The following GARIN6 variants were observed in gnomAD, a reference collection of about 807,000 sequenced individuals.
GARIN6 encodes golgi associated RAB2 interactor family member 6.
the GARIN6 span, chr12:99,648,699 AC>A: frequency 6.2e-7 from 1 of 1,614,136 alleles, no homozygotes; most frequent in Non-Finnish European, 8.5e-7. Flanking sequence ...TCCTGAGACC[AC>A]CAGTGGAGGC....
At chr12:99,649,336 A>G in the GARIN6 span, 1 of 1,614,186 alleles carries the variant, frequency 6.2e-7, no homozygotes, top group Non-Finnish European at 8.5e-7. Flanking sequence ...CAGAATCAGT[A>G]GACTTCACAT....
the GARIN6 span, chr12:99,649,571 AAC>A: frequency 3.5e-6 from 2 of 572,388 alleles, no homozygotes; most frequent in Non-Finnish European, 6.2e-6. Context: ...TCAGGAGAGA[AAC>A]ACAGCACTGG....
chr12:99,648,680 T>C, the GARIN6 span: 1 of 1,614,056 alleles, frequency 6.2e-7, no homozygotes, highest in African/African-American at 1.3e-5. Context: ...TGGGAAAACC[T>C]TGTTTACATC....
the GARIN6 span, chr12:99,648,761 T>C: frequency 6.2e-4 from 1,000 of 1,612,754 alleles, 8 homozygotes; most frequent in African/African-American, 0.011. Context: ...GACTCATCTG[T>C]GTTGGAGGAA....
chr12:99,649,291 T>C, the GARIN6 span: 1 of 1,613,336 alleles, frequency 6.2e-7, no homozygotes, highest in African/African-American at 1.3e-5. Flanking sequence ...TCCCTAGGGA[T>C]ATGCCATGAA....
At chr12:99,649,765 A>G in the GARIN6 span, 1 of 173,122 alleles carries the variant, frequency 5.8e-6, no homozygotes, top group Non-Finnish European at 1.2e-5. Flanking sequence ...TGTGGTGGCT[A>G]CAGGAGCAGA....
the GARIN6 span, chr12:99,648,106 A>G: frequency 6.5e-7 from 1 of 1,543,116 alleles, no homozygotes; most frequent in South Asian, 1.3e-5. Context: ...AGGAAACAGG[A>G]TGCCCGCTAA....
the GARIN6 span, chr12:99,648,184 T>C: frequency 1.9e-6 from 3 of 1,612,394 alleles, no homozygotes; most frequent in Non-Finnish European, 2.5e-6. Flanking sequence ...CATGGAGGAC[T>C]GCTGTATGCT....
the GARIN6 span, chr12:99,648,830 G>C: frequency 1.9e-6 from 3 of 1,569,028 alleles, no homozygotes; most frequent in Non-Finnish European, 1.7e-6. Flanking sequence ...GGATGCTTTG[G>C]GGGAGAGCAG....
At chr12:99,648,912 C>A in the GARIN6 span, 2 of 1,333,716 alleles carry the variant, frequency 1.5e-6, no homozygotes, top group East Asian at 2.5e-5. Flanking sequence ...GGTCTGAAGG[C>A]CAAATGAGCT....
the GARIN6 span, chr12:99,648,657 C>A: frequency 1.9e-6 from 3 of 1,614,164 alleles, no homozygotes; most frequent in Non-Finnish European, 2.5e-6. Flanking sequence ...CAAGTGAAGA[C>A]CTTTTTGTTC....
the GARIN6 span, chr12:99,649,295 C>A: frequency 1.9e-6 from 3 of 1,613,378 alleles, no homozygotes; most frequent in Non-Finnish European, 2.5e-6. Context: ...TAGGGATATG[C>A]CATGAAGTTT....
At chr12:99,648,708 G>C in the GARIN6 span, 1 of 1,614,104 alleles carries the variant, frequency 6.2e-7, no homozygotes, top group Middle Eastern at 1.7e-4. Context: ...CACCAGTGGA[G>C]GCTTACAGTG....
the GARIN6 span, chr12:99,649,551 G>C: frequency 1.5e-4 from 89 of 610,872 alleles, no homozygotes; most frequent in Non-Finnish European, 2.2e-4. Context: ...CTGCAACCAA[G>C]TCTGCAGACT....
At chr12:99,649,293 T>C in the GARIN6 span, 2 of 1,613,456 alleles carry the variant, frequency 1.2e-6, no homozygotes, top group South Asian at 2.2e-5. Flanking sequence ...CCTAGGGATA[T>C]GCCATGAAGT....
At chr12:99,649,324 T>C in the GARIN6 span, 6 of 1,614,156 alleles carry the variant, frequency 3.7e-6, no homozygotes, top group Non-Finnish European at 5.1e-6. Context: ...GAAGGAGCAA[T>C]TCAGAATCAG....
the GARIN6 span, chr12:99,649,465 A>T: frequency 7.7e-7 from 1 of 1,291,688 alleles, no homozygotes; most frequent in Non-Finnish European, 1.1e-6. Flanking sequence ...TAAAACCTAT[A>T]GTGCCTGATG....
At chr12:99,648,155 G>T in the GARIN6 span, 1 of 1,588,816 alleles carries the variant, frequency 6.3e-7, no homozygotes, top group African/African-American at 1.4e-5. Flanking sequence ...GCTGGGAACT[G>T]TCTTGATTTA....
chr12:99,648,219 C>A, the GARIN6 span: 417 of 1,614,152 alleles, frequency 2.6e-4, 1 homozygote, highest in Non-Finnish European at 3.3e-4. Flanking sequence ...CCCAAAGCAG[C>A]CCCGCAATGG....
Sources: gnomAD v4.1 joint callset for allele counts on GRCh38, gnomAD v4.1.1 for gene constraint, MANE v1.5 for transcripts, NCBI Gene and HGNC (gene_info 2026-07-23, HGNC 2026-07-21) for gene names.